The following LRMDA variants were observed in gnomAD, a reference collection of about 807,000 sequenced individuals.
LRMDA encodes leucine-rich melanocyte differentiation-associated protein.
In LRMDA, 18 loss-of-function variants were observed where a neutral mutation model predicts 29.8. The ratio of observed to expected loss-of-function variants is 0.60; its 90% CI spans 0.42 to 0.90. The LOEUF (loss-of-function observed/expected upper bound fraction) is 0.90. LRMDA is among the 40% of genes least tolerant of loss of function. The probability of loss-of-function intolerance (pLI) is 0.00; values close to 1 mark genes in which losing one functional copy is unlikely to be tolerated. For missense variants in LRMDA, 273 were observed against 273.9 expected (o/e 1.00, Z 0.02); for synonymous variants, 125 against 109.4 (o/e 1.14, Z -0.89).
intron 2 of LRMDA, among the ~76,000 whole-genome samples, chr10:75,516,774 C>T (rs1256001534): frequency 6.6e-6 from 1 of 152,070 alleles, no homozygotes; most frequent in Non-Finnish European, 1.5e-5. Context: ...AAGTCCTTGC[C>T]CATGCCTATG....
intron 5 of LRMDA, among the ~76,000 whole-genome samples, chr10:76,162,593 G>A (rs1850667528): frequency 6.6e-6 from 1 of 152,140 alleles, no homozygotes; most frequent in Non-Finnish European, 1.5e-5. Flanking sequence ...GAGCAAGAGA[G>A]AGGGAGATGC....
chr10:76,108,792 C>T (rs975907386), intron 5 of LRMDA, among the ~76,000 whole-genome samples: 12 of 152,168 alleles, frequency 7.9e-5, no homozygotes, highest in African/African-American at 2.9e-4. Flanking sequence ...ACTTTCCTGA[C>T]CAGCCTCTTG....
intron 6 of LRMDA, among the ~76,000 whole-genome samples, chr10:76,457,535 T>C (rs1287385064): frequency 6.6e-6 from 1 of 152,130 alleles, no homozygotes; most frequent in African/African-American, 2.4e-5. Context: ...TTTTGCAGTT[T>C]AAAGTGGCTG....
chr10:76,527,786 G>A (rs1843193423), intron 6 of LRMDA, among the ~76,000 whole-genome samples: 1 of 152,088 alleles, frequency 6.6e-6, no homozygotes, highest in Non-Finnish European at 1.5e-5. Context: ...AATATAATCT[G>A]TAATGTATCC....
intron 2 of LRMDA, among the ~76,000 whole-genome samples, chr10:75,708,955 G>A (rs895923333): frequency 6.6e-6 from 1 of 152,112 alleles, no homozygotes; most frequent in Admixed American, 6.5e-5. Context: ...GTGTTTGAAG[G>A]CATTTGCATA....
At chr10:75,510,698 T>C (rs1845215468) in intron 2 of LRMDA, among the ~76,000 whole-genome samples, 1 of 152,142 alleles carries the variant, frequency 6.6e-6, no homozygotes, top group Non-Finnish European at 1.5e-5. Flanking sequence ...TCTGTGACAG[T>C]TCCTGTGGGG....
chr10:76,337,202 G>C (rs936522995), intron 6 of LRMDA, among the ~76,000 whole-genome samples: 11 of 152,146 alleles, frequency 7.2e-5, no homozygotes, highest in African/African-American at 2.7e-4. Context: ...TATGTGTCAA[G>C]CCCTGTTCAA....
In LRMDA at chr10:76,287,005, A is replaced by C. The variant is rs11812260; in HGVS notation, c.517-37396A>C. On this transcript the variant is annotated intron_variant, in intron 5 of 6. Transcript: ENST00000611255. The stretch of plus-strand genomic sequence containing the variant: ...CTCAAACTTTATTATTATGTCCTCT[A>C]TTATTAATGGCAGAGACAATGATAT... 2.3e-3 allele frequency among the ~76,000 whole-genome samples: 356 copies of C among 152,246 alleles called. 1 individual carries two copies. Among genetic ancestry groups the C allele is most frequent in the African/African-American group, 7.9e-3 (330 of 41,562 alleles).
At chr10:76,409,422 T>G (rs981799107) in intron 6 of LRMDA, among the ~76,000 whole-genome samples, 3 of 152,190 alleles carry the variant, frequency 2.0e-5, no homozygotes, top group African/African-American at 7.2e-5. Flanking sequence ...TGAGTTAACA[T>G]TAGATTTTTA....
chr10:75,546,287 T>C (rs1351034923), intron 2 of LRMDA, among the ~76,000 whole-genome samples: 2 of 152,194 alleles, frequency 1.3e-5, no homozygotes, highest in East Asian at 1.9e-4. Context: ...GATGTAACCA[T>C]AGAACAGCAG....
chr10:76,436,642 A>G (rs7899099), intron 6 of LRMDA, among the ~76,000 whole-genome samples: 2,697 of 152,286 alleles, frequency 0.018, 87 homozygotes, highest in African/African-American at 0.06. Flanking sequence ...GGGAAGGGAA[A>G]TCCACCCCTG....
At chr10:76,540,524 G>A (rs1333649253) in intron 6 of LRMDA, among the ~76,000 whole-genome samples, 1 of 152,182 alleles carries the variant, frequency 6.6e-6, no homozygotes, top group East Asian at 1.9e-4. Flanking sequence ...GAACAGAAGT[G>A]CTCACACATC....
At chr10:76,047,113 T>C in intron 3 of LRMDA, 51 bp from the exon 4 acceptor site, 1 of 1,606,970 alleles carries the variant, frequency 6.2e-7, no homozygotes, top group Non-Finnish European at 8.5e-7. Context: ...TGGCCTATGC[T>C]CATTGCTAAG....
intron 4 of LRMDA, among the ~76,000 whole-genome samples, chr10:76,051,731 A>G (rs1228937540): frequency 6.6e-6 from 1 of 152,220 alleles, no homozygotes; most frequent in Non-Finnish European, 1.5e-5. Context: ...TTCACAGCAT[A>G]GATAGAAAAA....
chr10:76,553,742 G>A (rs933855294), intron 6 of LRMDA, among the ~76,000 whole-genome samples: 1 of 152,110 alleles, frequency 6.6e-6, no homozygotes, highest in African/African-American at 2.4e-5. Context: ...GCTCTGGGAG[G>A]AGACTCACAG....
At chr10:75,819,885 T>A (rs1392519246) in intron 2 of LRMDA, among the ~76,000 whole-genome samples, 2 of 152,176 alleles carry the variant, frequency 1.3e-5, no homozygotes, top group African/African-American at 4.8e-5. Flanking sequence ...GTGCCATAAG[T>A]GTAAAATACA....
At chr10:75,466,286 T>C (rs1844649501) in intron 2 of LRMDA, among the ~76,000 whole-genome samples, 2 of 152,112 alleles carry the variant, frequency 1.3e-5, no homozygotes, top group Non-Finnish European at 2.9e-5. Context: ...TGGGAGAGGA[T>C]GTGGAGGGCT....
At position 76,342,994 on chromosome 10, in the gene LRMDA, A is replaced by G. The variant is rs112769162; in HGVS notation, c.601+18509A>G. On this transcript the variant is annotated intron_variant, in intron 6 of 6. Coordinates refer to ENST00000611255, the MANE Select transcript of LRMDA (RefSeq NM_001305581.2). ...GGGGCTGGAGCAGGGAGTAAAAAAAACCCTGATCTGTACTGTTTGCTGATT... is the reference window on the plus strand; with the variant it reads ...GGGGCTGGAGCAGGGAGTAAAAAAAGCCCTGATCTGTACTGTTTGCTGATT... 3.2e-4 allele frequency among the ~76,000 whole-genome samples: 48 copies of G among 152,040 alleles called. 1 individual carries two copies. The highest frequency in any genetic ancestry group is 3.1e-3 in the South Asian group (15 of 4,820).
At chr10:75,626,443 C>T (rs1589139028) in intron 2 of LRMDA, among the ~76,000 whole-genome samples, 1 of 152,062 alleles carries the variant, frequency 6.6e-6, no homozygotes, top group African/African-American at 2.4e-5. Flanking sequence ...GGGGTGGAAC[C>T]AGGAAAGGGA....
Sources: allele counts gnomAD v4.1 joint callset (sites outside exome capture counted in the v4.1 genomes callset), GRCh38; gene constraint gnomAD v4.1.1; transcripts MANE v1.5; gene names NCBI Gene and HGNC (gene_info 2026-07-23, HGNC 2026-07-21).